Variants in SLC10A7 observed in about 807,000 individuals in gnomAD.
The protein encoded by SLC10A7 is solute carrier family 10 member 7, also known as sodium/bile acid cotransporter 7.
Under a neutral mutation model 43.2 loss-of-function variants are expected in SLC10A7, and 29 were observed. That is an observed-to-expected ratio of 0.67 (90% CI 0.50 to 0.92). The LOEUF (loss-of-function observed/expected upper bound fraction) is 0.92. SLC10A7 is among the 40% of genes least tolerant of loss of function. The probability of loss-of-function intolerance (pLI) is 0.00; values close to 1 mark genes in which losing one functional copy is unlikely to be tolerated. For synonymous variants in SLC10A7, 152 were observed against 144.8 expected, an observed-to-expected ratio of 1.05 and a Z score of -0.35; for missense variants, 295 against 403.2, an observed-to-expected ratio of 0.73 and a Z score of 2.30.
intron 5 of SLC10A7, among the ~76,000 whole-genome samples, chr4:146,377,254 C>T (rs777299305): frequency 3.3e-5 from 5 of 152,232 alleles, no homozygotes; most frequent in Non-Finnish European, 7.3e-5. Context: ...AATAAAATCT[C>T]TGCATCCTTC....
chr4:146,500,943 C>T (rs1237689845), intron 4 of SLC10A7, among the ~76,000 whole-genome samples: 1 of 152,198 alleles, frequency 6.6e-6, no homozygotes, highest in Non-Finnish European at 1.5e-5. Flanking sequence ...TTATTTTACA[C>T]AGTGAACCAG....
intron 5 of SLC10A7, among the ~76,000 whole-genome samples, chr4:146,405,795 T>C (rs1205161704): frequency 1.3e-5 from 2 of 152,052 alleles, no homozygotes; most frequent in Non-Finnish European, 2.9e-5. Flanking sequence ...TAATGCTATA[T>C]AATCTTGGAG....
intron 10 of SLC10A7, among the ~76,000 whole-genome samples, chr4:146,272,187 T>C (rs1011931986): frequency 6.6e-6 from 1 of 152,210 alleles, no homozygotes; most frequent in Non-Finnish European, 1.5e-5. Flanking sequence ...TTTAAAAGCA[T>C]CTTTTCATTG....
At chr4:146,398,617 C>T (rs1399756712) in intron 5 of SLC10A7, among the ~76,000 whole-genome samples, 2 of 152,168 alleles carry the variant, frequency 1.3e-5, no homozygotes, top group Non-Finnish European at 2.9e-5. Flanking sequence ...GCTGGAATTA[C>T]TATTCTTCAG....
intron 5 of SLC10A7, among the ~76,000 whole-genome samples, chr4:146,378,143 G>A (rs1245018558): frequency 6.6e-6 from 1 of 152,162 alleles, no homozygotes; most frequent in Non-Finnish European, 1.5e-5. Context: ...GAGGCATGAG[G>A]TCTAGTGATG....
chr4:146,411,007 GT>G (rs898996888), intron 5 of SLC10A7, among the ~76,000 whole-genome samples: 5 of 151,440 alleles, frequency 3.3e-5, no homozygotes, highest in South Asian at 4.2e-4. Flanking sequence ...TTTTTGTACT[GT>G]TTTTTTTAGT....
At chr4:146,283,149 A>G in intron 10 of SLC10A7, 43 bp downstream of exon 10, 1 of 1,409,860 alleles carries the variant, frequency 7.1e-7, no homozygotes, top group African/African-American at 1.4e-5. Context: ...AGATGTAACT[A>G]TATGAGGGTA....
At chr4:146,368,451 G>T (rs1736547768) in intron 5 of SLC10A7, among the ~76,000 whole-genome samples, 1 of 152,188 alleles carries the variant, frequency 6.6e-6, no homozygotes, top group South Asian at 2.1e-4. Context: ...CTCCAAAGCT[G>T]TTGACAACTA....
chr4:146,332,070 G>C (rs962163119), intron 5 of SLC10A7, among the ~76,000 whole-genome samples: 1 of 152,164 alleles, frequency 6.6e-6, no homozygotes, highest in African/African-American at 2.4e-5. Flanking sequence ...GAAAGAAAGT[G>C]GTGGTGGATT....
chr4:146,381,769 T>C (rs977777037), intron 5 of SLC10A7, among the ~76,000 whole-genome samples: 7 of 152,124 alleles, frequency 4.6e-5, no homozygotes, highest in African/African-American at 1.7e-4. Context: ...AAAACTACCC[T>C]TGGAAGGCCC....
intron 4 of SLC10A7, among the ~76,000 whole-genome samples, chr4:146,499,533 G>T (rs1351360791): frequency 2.6e-5 from 4 of 152,058 alleles, no homozygotes; most frequent in Non-Finnish European, 4.4e-5. Flanking sequence ...TTTTAGGAAA[G>T]TATTAAACTT....
Position 146,258,831 on chromosome 4 carries a change from G to A in SLC10A7, c.854C>T (p.Pro285Leu), listed in dbSNP as rs775994807. The change falls in exon 11 of 12, where the codon CCG (proline) becomes CTG (leucine). Residue 285 changes from proline (P) to leucine (L), a missense_variant. Physicochemically the swap from Pro to Leu is moderately conservative, Grantham distance 98. This residue lies in a region of SLC10A7 where 242 missense variants were observed against 362.5 expected (regional missense o/e 0.67). Transcript: ENST00000335472. Reference protein sequence around the residue: ...STHKSLTLGIPMLKIVFAGHE... With the variant: ...STHKSLTLGILMLKIVFAGHE... ...GCCTGCAAACACGATCTTCAGCATC[G>A]GAATTCCTGTTGAACAAAGAAGACA... 60 of 1,606,130 alleles carry A rather than the reference G, an allele frequency of 3.7e-5. No individual in the cohort carries two copies. The highest frequency in any genetic ancestry group is 4.9e-5 in the Non-Finnish European group (58 of 1,178,168).
At chr4:146,280,222 T>C (rs1166191242) in intron 10 of SLC10A7, among the ~76,000 whole-genome samples, 2 of 152,196 alleles carry the variant, frequency 1.3e-5, no homozygotes, top group African/African-American at 4.8e-5. Context: ...AATACTATGA[T>C]AGTGACTGCA....
chr4:146,303,788 C>T (rs1485830233), intron 7 of SLC10A7, among the ~76,000 whole-genome samples: 2 of 152,122 alleles, frequency 1.3e-5, no homozygotes, highest in Non-Finnish European at 2.9e-5. Flanking sequence ...GAGCACTTAC[C>T]TGTGTTAGGT....
At chr4:146,364,550 T>G (rs1736265684) in intron 5 of SLC10A7, among the ~76,000 whole-genome samples, 1 of 152,144 alleles carries the variant, frequency 6.6e-6, no homozygotes. Context: ...TGTTGCATGT[T>G]TTCTGACTCA....
At chr4:146,396,763 A>T (rs1012432868) in intron 5 of SLC10A7, among the ~76,000 whole-genome samples, 1 of 151,974 alleles carries the variant, frequency 6.6e-6, no homozygotes, top group East Asian at 1.9e-4. Context: ...GTAATTGCAC[A>T]TACACACAAA....
chr4:146,486,320 C>A (rs1317860550), intron 4 of SLC10A7, among the ~76,000 whole-genome samples: 1 of 152,056 alleles, frequency 6.6e-6, no homozygotes, highest in Non-Finnish European at 1.5e-5. Flanking sequence ...AATGTTATTT[C>A]AAAAATGTTT....
chr4:146,450,441 A>G (rs1173265479), intron 4 of SLC10A7, among the ~76,000 whole-genome samples: 1 of 152,158 alleles, frequency 6.6e-6, no homozygotes, highest in Non-Finnish European at 1.5e-5. Flanking sequence ...CCTAGAACCA[A>G]TACCCCACAG....
chr4:146,275,764 TG>T (rs1206478801), intron 10 of SLC10A7, among the ~76,000 whole-genome samples: 2 of 152,082 alleles, frequency 1.3e-5, no homozygotes, highest in Non-Finnish European at 2.9e-5. Flanking sequence ...GAAAGTAAGT[TG>T]TTGCCCCCAT....
Sources: allele counts gnomAD v4.1 joint callset (sites outside exome capture counted in the v4.1 genomes callset), GRCh38; gene constraint gnomAD v4.1.1; regional missense constraint gnomAD v4.1.1; transcripts MANE v1.5; gene names NCBI Gene and HGNC (gene_info 2026-07-23, HGNC 2026-07-21).